DLG2: variants seen among roughly 807,000 people sequenced by gnomAD.
DLG2 encodes the protein disks large homolog 2.
A neutral mutation model predicts 132.5 loss-of-function variants in DLG2; 45 were observed. The ratio of observed to expected loss-of-function variants is 0.34; its 90% confidence interval spans 0.27 to 0.44. The LOEUF is 0.44. Ranked by LOEUF, DLG2 falls within the 20% of genes least tolerant of loss-of-function variation. DLG2 has a pLI of 1.00. For synonymous variants in DLG2, 424 were observed against 419.6 expected (o/e 1.01, Z -0.13); for missense variants, 1,045 against 1,196.9 (o/e 0.87, Z 1.87).
chr11:83,514,572 T>A (rs1405761810), intron 21 of DLG2, among the ~76,000 whole-genome samples: 1 of 152,194 alleles, frequency 6.6e-6, no homozygotes, highest in Non-Finnish European at 1.5e-5. Flanking sequence ...CTATGTTGAA[T>A]AGGAGTGGTG....
rs78279858 is a variant in DLG2, at chr11:83,466,835, A to C, written c.2620-18T>G. 2.5e-3 allele frequency: 3,932 copies of C among 1,547,536 alleles called. 75 individuals carry two copies. In the African/African-American group the frequency reaches 0.046, roughly 18 times the overall value. On this transcript the variant is annotated intron_variant, in intron 25 of 27. Transcript: ENST00000376104. Reference sequence around the variant, plus strand: ...TGTTTGCCCTGGTAGAAAGAGAAGAAAAATATGAAGTTAATATAGGAAGCA... The same window carrying C: ...TGTTTGCCCTGGTAGAAAGAGAAGACAAATATGAAGTTAATATAGGAAGCA...
intron 6 of DLG2, among the ~76,000 whole-genome samples, chr11:85,027,772 G>A (rs1475009068): frequency 6.6e-6 from 1 of 152,194 alleles, no homozygotes; most frequent in Non-Finnish European, 1.5e-5. Context: ...GAAGCTTGGA[G>A]ACACCAGGAA....
chr11:84,887,926 T>G (rs1246885055), intron 6 of DLG2, among the ~76,000 whole-genome samples: 1 of 152,130 alleles, frequency 6.6e-6, no homozygotes, highest in African/African-American at 2.4e-5. Flanking sequence ...CCAGCTGCAT[T>G]TAACTAATTT....
At chr11:85,244,557 C>T (rs927374893) in intron 4 of DLG2, among the ~76,000 whole-genome samples, 1 of 151,752 alleles carries the variant, frequency 6.6e-6, no homozygotes, top group Admixed American at 6.6e-5. Context: ...GTGACAAGGA[C>T]CAGAGGAAGG....
intron 14 of DLG2, among the ~76,000 whole-genome samples, chr11:83,933,435 C>A (rs988314019): frequency 6.6e-6 from 1 of 152,172 alleles, no homozygotes; most frequent in African/African-American, 2.4e-5. Context: ...TTATAAAGAG[C>A]CATAGATAAT....
chr11:83,839,491 A>G lies in DLG2; in HGVS notation c.1566-5721T>C, dbSNP rs1405527327. 2.6e-5 allele frequency among the ~76,000 whole-genome samples: 4 copies of G among 152,300 alleles called. No homozygotes were observed. In the East Asian group the frequency reaches 7.7e-4, roughly 29 times the overall value. On this transcript the variant is annotated intron_variant, in intron 16 of 27. Transcript: ENST00000376104. Reference sequence around the variant, plus strand: ...GGATCAAAGCCCTTTAAAGTATTACAAGTCCTATTTTACCGATGCTTAGGT... The same window carrying G: ...GGATCAAAGCCCTTTAAAGTATTACGAGTCCTATTTTACCGATGCTTAGGT...
chr11:83,673,719 A>G (rs1348845247), intron 18 of DLG2, among the ~76,000 whole-genome samples: 4 of 152,204 alleles, frequency 2.6e-5, no homozygotes, highest in Non-Finnish European at 5.9e-5. Context: ...CTGTCCTGCT[A>G]CTTTCCAACT....
intron 3 of DLG2, among the ~76,000 whole-genome samples, chr11:85,560,941 AG>A (rs2077201364): frequency 6.6e-6 from 1 of 151,548 alleles, no homozygotes; most frequent in African/African-American, 2.4e-5. Flanking sequence ...TTGAGGTGGG[AG>A]GATTGCTTGA....
chr11:85,131,303 T>C (rs1404865060), intron 5 of DLG2, among the ~76,000 whole-genome samples: 1 of 152,136 alleles, frequency 6.6e-6, no homozygotes, highest in Non-Finnish European at 1.5e-5. Flanking sequence ...GATAACTTAT[T>C]TTTACAATAT....
intron 15 of DLG2, among the ~76,000 whole-genome samples, chr11:83,911,744 C>T (rs184964234): frequency 4.6e-5 from 7 of 151,866 alleles, no homozygotes; most frequent in Non-Finnish European, 1.0e-4. Flanking sequence ...ATAAGGCTAG[C>T]GTTGTATAAT....
In DLG2 at chr11:84,313,246, G is replaced by A. The variant is rs559162297; in HGVS notation, c.520-61955C>T. On this transcript the variant is annotated intron_variant, in intron 7 of 27. Coordinates refer to ENST00000376104, the MANE Select transcript of DLG2 (RefSeq NM_001142699.3). Reference sequence around the variant, plus strand: ...TTCTCGTGCCTCAGCCTCCTGAGTAGCTGGGACTATGGTGTGCACCACTAC... The same window carrying A: ...TTCTCGTGCCTCAGCCTCCTGAGTAACTGGGACTATGGTGTGCACCACTAC... 1.5e-4 allele frequency among the ~76,000 whole-genome samples: 23 copies of A among 152,124 alleles called. 1 individual carries two copies. In the South Asian group the frequency reaches 4.8e-3, roughly 32 times the overall value.
In DLG2 at chr11:84,813,610, G is replaced by A. The variant is rs561024217; in HGVS notation, c.358-278879C>T. On this transcript the variant is annotated intron_variant, in intron 6 of 27. Transcript: ENST00000376104. ...GATATGTCCAGATTGATGGGGAATC[G>A]CTGACAGAGAATGCAGGTGGAATAA... Among the ~76,000 whole-genome samples the A allele has an allele frequency of 8.5e-5, 13 of 152,210 alleles. No individual in the cohort carries two copies. The South Asian group carries it at 1.7e-3, about 19-fold the overall frequency.
At chr11:85,469,798 C>T (rs977359079) in intron 3 of DLG2, 4 of 152,166 alleles carry the variant, frequency 2.6e-5, no homozygotes, top group African/African-American at 9.7e-5. Context: ...TCTAGGAGGC[C>T]AGTTGAAGGG....
chr11:85,118,256 G>T (rs967269505), intron 5 of DLG2, among the ~76,000 whole-genome samples: 8 of 152,040 alleles, frequency 5.3e-5, no homozygotes, highest in Non-Finnish European at 1.0e-4. Context: ...TGAAGAAAAT[G>T]CTGCTGACCT....
chr11:83,678,607 C>T (rs1703388452), intron 18 of DLG2, among the ~76,000 whole-genome samples: 1 of 152,106 alleles, frequency 6.6e-6, no homozygotes, highest in Non-Finnish European at 1.5e-5. Flanking sequence ...ACATCATACA[C>T]CTCTTGAAAG....
chr11:85,079,135 G>A (rs1380871939), intron 6 of DLG2, among the ~76,000 whole-genome samples: 1 of 152,042 alleles, frequency 6.6e-6, no homozygotes, highest in Admixed American at 6.6e-5. Context: ...TCAAGTCCTA[G>A]GTGGATTCAA....
At chr11:85,234,552 T>C (rs565872925) in intron 4 of DLG2, among the ~76,000 whole-genome samples, 241 of 152,090 alleles carry the variant, frequency 1.6e-3, no homozygotes, top group South Asian at 3.7e-3. Flanking sequence ...TCAATTTGAG[T>C]AGACAATTAA....
intron 8 of DLG2, among the ~76,000 whole-genome samples, chr11:84,240,503 G>A (rs545477659): frequency 1.3e-5 from 2 of 152,068 alleles, no homozygotes; most frequent in African/African-American, 4.8e-5. Context: ...TGAATCAAAA[G>A]AGCCCAGACT....
At chr11:85,272,970 C>G (rs2077637119) in intron 4 of DLG2, among the ~76,000 whole-genome samples, 1 of 152,262 alleles carries the variant, frequency 6.6e-6, no homozygotes, top group Non-Finnish European at 1.5e-5. Flanking sequence ...ACCATCTGAT[C>G]TTTGACAAAC....
Sources: gnomAD v4.1 joint callset for allele counts (sites outside exome capture counted in the v4.1 genomes callset) on GRCh38, gnomAD v4.1.1 for gene constraint, MANE v1.5 for transcripts, NCBI Gene and HGNC (gene_info 2026-07-23, HGNC 2026-07-21) for gene names.